Variants in CTNNBL1 observed in about 807,000 individuals in gnomAD.
CTNNBL1 encodes catenin beta like 1.
CTNNBL1 carries 31 observed loss-of-function variants against 72.7 expected under a neutral mutation model. That is an observed-to-expected ratio of 0.43 (90% CI 0.32 to 0.58). CTNNBL1 has a LOEUF of 0.58. Among genes scored for constraint, CTNNBL1 ranks in the 20% least tolerant of loss-of-function variants. The pLI is 0.08. For missense variants in CTNNBL1, 534 were observed against 725.1 expected, an observed-to-expected ratio of 0.74 and a Z score of 3.03; for synonymous variants, 240 against 267.3, an observed-to-expected ratio of 0.90 and a Z score of 1.00.
At chr20:37,788,963 GA>G (rs1203498835) in intron 10 of CTNNBL1, among the ~76,000 whole-genome samples, 1 of 152,168 alleles carries the variant, frequency 6.6e-6, no homozygotes, top group Non-Finnish European at 1.5e-5. Context: ...TCAATAAGAA[GA>G]AAAGCTTTCT....
At position 37,777,951 on chromosome 20, in the gene CTNNBL1, T is replaced by C. The variant is rs866617320; in HGVS notation, c.882+239T>C. Among the ~76,000 whole-genome samples the C allele has an allele frequency of 3.9e-5, 6 of 152,306 alleles. No homozygotes were observed. In the South Asian group the frequency reaches 8.3e-4, roughly 21 times the overall value. On this transcript the variant is annotated intron_variant, in intron 9 of 15. Transcript: ENST00000361383. ...ACTTTCTTCATCTTCTGATATGATATTGTCAACTCAAAAAAGATGTGCCTC... is the reference window on the plus strand; with the variant it reads ...ACTTTCTTCATCTTCTGATATGATACTGTCAACTCAAAAAAGATGTGCCTC...
At chr20:37,763,488 A>G (rs527823091) in intron 5 of CTNNBL1, among the ~76,000 whole-genome samples, 2 of 152,336 alleles carry the variant, frequency 1.3e-5, no homozygotes, top group Non-Finnish European at 2.9e-5. Context: ...TGATTCAGGT[A>G]TCACAAATTA....
chr20:37,833,418 A>G (rs1272600428), intron 11 of CTNNBL1, among the ~76,000 whole-genome samples: 2 of 152,204 alleles, frequency 1.3e-5, no homozygotes, highest in Non-Finnish European at 2.9e-5. Context: ...ACTGTTGAGC[A>G]GGGAGCCCAG....
In CTNNBL1 at chr20:37,746,497, ACATCATTCAGGAGATG is replaced by A; in HGVS notation, c.359_374del (p.Ile120ThrfsTer16). 2 of 1,613,984 alleles carry A rather than the reference ACATCATTCAGGAGATG, an allele frequency of 1.2e-6. No individual in the cohort carries two copies. Among genetic ancestry groups the A allele is most frequent in the Non-Finnish European group, 1.7e-6 (2 of 1,179,934 alleles). ...ATGGAATCCGAGCTGGACCTAAATG[ACATCATTCAGGAGATG>A]CACGTGGTGGCCACCATGCCAGACC... On this transcript the variant is annotated frameshift_variant, in exon 4 of 16. Transcript: ENST00000361383. LOFTEE classifies it high-confidence loss of function.
In CTNNBL1 at chr20:37,759,430, T is replaced by C. The variant is rs545991252; in HGVS notation, c.564+1774T>C. ...GAGAGAGGAACAGCTAGCCTGGCTG[T>C]TGCATGTAAAACATACCCAGAAACA... On this transcript the variant is annotated intron_variant, in intron 5 of 15. Coordinates refer to ENST00000361383, the MANE Select transcript of CTNNBL1 (RefSeq NM_030877.5). Among the ~76,000 whole-genome samples, 25 of 152,206 alleles carry C rather than the reference T, an allele frequency of 1.6e-4. No individual in the cohort carries two copies. The South Asian group carries it at 5.2e-3, about 32-fold the overall frequency.
rs765959677 is a variant in CTNNBL1, at chr20:37,802,967, G to A, written c.1132G>A (p.Gly378Ser). The A allele has an allele frequency of 6.2e-7, 1 of 1,614,018 alleles. No homozygotes were observed. Among genetic ancestry groups the A allele is most frequent in the Admixed American group, 1.7e-5 (1 of 60,014 alleles). ...CTGCCATAAGTTTGTTGACATTCTT[G>A]GCTTACGAACCATCTTTCCCCTCTT... Reference protein sequence around the residue: ...DNCHKFVDILGLRTIFPLFMK... With the variant: ...DNCHKFVDILSLRTIFPLFMK... Residue 378 changes from glycine (G) to serine (S), a missense_variant, in exon 11 of 16, where the codon GGC (glycine) becomes AGC (serine). By Grantham distance (56) the Gly-to-Ser change is moderately conservative. Coordinates refer to ENST00000361383, the MANE Select transcript of CTNNBL1 (RefSeq NM_030877.5).
rs761006434 is a variant in CTNNBL1, at chr20:37,746,527, C to T, written c.386C>T (p.Thr129Ile). Reference sequence around the variant, plus strand: ...ATTCAGGAGATGCACGTGGTGGCCACCATGCCAGACCTGTACCACCTTCTG... The same window carrying T: ...ATTCAGGAGATGCACGTGGTGGCCATCATGCCAGACCTGTACCACCTTCTG... Reference protein sequence around the residue: ...DIIQEMHVVATMPDLYHLLVE... With the variant: ...DIIQEMHVVAIMPDLYHLLVE... The change falls in exon 4 of 16, where the codon ACC becomes ATC. Residue 129 changes from threonine (T) to isoleucine (I), a missense_variant. Physicochemically the swap from Thr to Ile is moderately conservative, Grantham distance 89 (BLOSUM62 -1). Transcript: ENST00000361383. 2 of 1,614,134 alleles carry T rather than the reference C, an allele frequency of 1.2e-6. No individual in the cohort carries two copies. Among genetic ancestry groups the T allele is most frequent in the Non-Finnish European group, 1.7e-6 (2 of 1,179,998 alleles).
chr20:37,747,941 T>C (rs951981920), intron 4 of CTNNBL1, among the ~76,000 whole-genome samples: 2 of 152,234 alleles, frequency 1.3e-5, no homozygotes, highest in East Asian at 3.8e-4. Flanking sequence ...TCACTGAATC[T>C]GATTCGTGAC....
chr20:37,833,339 AG>A, intron 11 of CTNNBL1, among the ~76,000 whole-genome samples: 1 of 152,296 alleles, frequency 6.6e-6, no homozygotes, highest in Middle Eastern at 3.4e-3. Flanking sequence ...AGCTGGGGGA[AG>A]GGTGGGCCAG....
intron 1 of CTNNBL1, among the ~76,000 whole-genome samples, chr20:37,720,515 A>G (rs558772122): frequency 6.6e-6 from 1 of 152,050 alleles, no homozygotes; most frequent in Admixed American, 6.6e-5. Flanking sequence ...TTTTTAAACT[A>G]AAAAAAAGGT....
chr20:37,869,504 G>A (rs1179628436), intron 15 of CTNNBL1, among the ~76,000 whole-genome samples: 1 of 152,254 alleles, frequency 6.6e-6, no homozygotes, highest in Non-Finnish European at 1.5e-5. Context: ...CTGCTGGGGG[G>A]CCCTCGGCCA....
Position 37,706,251 on chromosome 20 carries a change from A to G in CTNNBL1, c.30+12099A>G, listed in dbSNP as rs6091111. 4.0e-3 allele frequency among the ~76,000 whole-genome samples: 605 copies of G among 152,300 alleles called. 2 individuals carry two copies. Among genetic ancestry groups the G allele is most frequent in the African/African-American group, 0.014 (582 of 41,548 alleles). ...TGGCAATTTCTTAAGACAACGATGAAGTCTGCTCCATCTGTTGGCTCTTCC... is the reference window on the plus strand; with the variant it reads ...TGGCAATTTCTTAAGACAACGATGAGGTCTGCTCCATCTGTTGGCTCTTCC... On this transcript the variant is annotated intron_variant, in intron 1 of 15. Transcript: ENST00000361383.
intron 4 of CTNNBL1, 148 bp downstream of exon 4, chr20:37,746,755 G>A (rs1312789939): frequency 5.4e-5 from 58 of 1,074,202 alleles, no homozygotes; most frequent in African/African-American, 1.9e-4. Context: ...AACACACAAT[G>A]CTTTTTACTC....
intron 15 of CTNNBL1, among the ~76,000 whole-genome samples, chr20:37,865,761 C>T (rs534861658): frequency 6.6e-6 from 1 of 152,310 alleles, no homozygotes; most frequent in African/African-American, 2.4e-5. Flanking sequence ...ACACAGATGC[C>T]CAGGAGCAGC....
chr20:37,776,786 G>C (rs1879181281), intron 7 of CTNNBL1, among the ~76,000 whole-genome samples: 1 of 152,014 alleles, frequency 6.6e-6, no homozygotes, highest in African/African-American at 2.4e-5. Flanking sequence ...ATTTAATGTG[G>C]TTTCTGTTTT....
intron 1 of CTNNBL1, among the ~76,000 whole-genome samples, chr20:37,728,321 T>C (rs2073102436): frequency 6.6e-6 from 1 of 152,280 alleles, no homozygotes; most frequent in Non-Finnish European, 1.5e-5. Context: ...ATTTTGGGTA[T>C]GTTAGATTAA....
At chr20:37,710,076 T>C (rs2072924092) in intron 1 of CTNNBL1, among the ~76,000 whole-genome samples, 1 of 152,254 alleles carries the variant, frequency 6.6e-6, no homozygotes. Context: ...GCAAAACATG[T>C]ATTTTTCATC....
chr20:37,775,498 C>G (rs1001326221), intron 7 of CTNNBL1, among the ~76,000 whole-genome samples: 11 of 152,194 alleles, frequency 7.2e-5, no homozygotes, highest in Admixed American at 3.9e-4. Flanking sequence ...AATATGACAC[C>G]CCAGTTGCCA....
chr20:37,812,593 A>G (rs1158528417), intron 11 of CTNNBL1, among the ~76,000 whole-genome samples: 8 of 152,214 alleles, frequency 5.3e-5, no homozygotes, highest in Non-Finnish European at 7.3e-5. Flanking sequence ...CAGAGGGTCT[A>G]TTTCTATGGG....
Sources: allele counts gnomAD v4.1 joint callset (sites outside exome capture counted in the v4.1 genomes callset), GRCh38; gene constraint gnomAD v4.1.1; transcripts MANE v1.5; gene names NCBI Gene and HGNC (gene_info 2026-07-23, HGNC 2026-07-21).